Variants in GRM3 observed in about 807,000 individuals in gnomAD.
GRM3 encodes metabotropic glutamate receptor 3.
Under a neutral mutation model 70.5 loss-of-function variants are expected in GRM3, and 26 were observed. The observed-to-expected ratio is 0.37, with a 90% confidence interval of 0.27 to 0.51. GRM3 has a LOEUF of 0.51. Among genes scored for constraint, GRM3 ranks in the 20% least tolerant of loss-of-function variants. The pLI is 0.93. For missense variants in GRM3, 859 were observed against 1,123.8 expected (o/e 0.76, Z 3.37); for synonymous variants, 443 against 434.9 (o/e 1.02, Z -0.23).
chr7:86,778,526 A>G (rs1351623259), intron 2 of GRM3, among the ~76,000 whole-genome samples: 1 of 152,198 alleles, frequency 6.6e-6, no homozygotes, highest in Non-Finnish European at 1.5e-5. Flanking sequence ...GTATATCCTG[A>G]GTAGAAATAG....
At chr7:86,732,440 T>A (rs1262125876) in intron 1 of GRM3, among the ~76,000 whole-genome samples, 5 of 152,080 alleles carry the variant, frequency 3.3e-5, no homozygotes, top group African/African-American at 1.2e-4. Context: ...TTGTTAGTGT[T>A]CAAATAGTAT....
At chr7:86,777,546 C>T (rs1019316587) in intron 2 of GRM3, among the ~76,000 whole-genome samples, 7 of 152,126 alleles carry the variant, frequency 4.6e-5, no homozygotes, top group Admixed American at 6.5e-5. Flanking sequence ...TATTATACTG[C>T]GTACACTGGT....
intron 5 of GRM3, among the ~76,000 whole-genome samples, chr7:86,857,332 C>T (rs1364013684): frequency 6.6e-6 from 1 of 151,814 alleles, no homozygotes; most frequent in Non-Finnish European, 1.5e-5. Context: ...GAATAAGAGG[C>T]GAGGAGAACA....
chr7:86,819,626 G>A (rs2116680453), intron 3 of GRM3, among the ~76,000 whole-genome samples: 1 of 152,204 alleles, frequency 6.6e-6, no homozygotes, highest in East Asian at 1.9e-4. Context: ...GCTATGATCA[G>A]CAACCAAAGA....
chr7:86,765,994 A>C (rs1055089241), intron 2 of GRM3, among the ~76,000 whole-genome samples: 2 of 152,146 alleles, frequency 1.3e-5, no homozygotes, highest in African/African-American at 4.8e-5. Flanking sequence ...CATCTAGCCC[A>C]GGAATGTTCT....
intron 1 of GRM3, among the ~76,000 whole-genome samples, chr7:86,670,586 C>G (rs933206468): frequency 6.6e-6 from 1 of 152,184 alleles, no homozygotes; most frequent in Non-Finnish European, 1.5e-5. Flanking sequence ...TATTCACCAT[C>G]TTGCTTTAGA....
intron 1 of GRM3, among the ~76,000 whole-genome samples, chr7:86,764,042 C>G (rs1391576273): frequency 6.6e-6 from 1 of 152,002 alleles, no homozygotes; most frequent in Non-Finnish European, 1.5e-5. Flanking sequence ...GGAGAAGACT[C>G]TAGGGTGCAG....
At chr7:86,780,603 C>T (rs548378681) in intron 2 of GRM3, among the ~76,000 whole-genome samples, 3 of 152,282 alleles carry the variant, frequency 2.0e-5, no homozygotes, top group Non-Finnish European at 2.9e-5. Context: ...TACTTGCATG[C>T]CGCCTCTCAG....
chr7:86,760,400 CT>C (rs1447421454), intron 1 of GRM3, among the ~76,000 whole-genome samples: 1 of 152,156 alleles, frequency 6.6e-6, no homozygotes, highest in East Asian at 1.9e-4. Context: ...GCTACACATG[CT>C]TGTTTACAGT....
chr7:86,671,396 T>C (rs935273791), intron 1 of GRM3, among the ~76,000 whole-genome samples: 4 of 152,228 alleles, frequency 2.6e-5, no homozygotes, highest in Admixed American at 6.5e-5. Flanking sequence ...TCATTCTTTA[T>C]GTCCTGAAGT....
chr7:86,728,802 AC>A (rs1795652523), intron 1 of GRM3, among the ~76,000 whole-genome samples: 2 of 152,220 alleles, frequency 1.3e-5, no homozygotes, highest in Non-Finnish European at 2.9e-5. Flanking sequence ...TGGTAAAGTA[AC>A]TGCAATGAAG....
intron 3 of GRM3, among the ~76,000 whole-genome samples, chr7:86,831,548 T>C (rs1798352176): frequency 6.6e-6 from 1 of 152,188 alleles, no homozygotes; most frequent in Middle Eastern, 3.4e-3. Flanking sequence ...GTCCCCTGAA[T>C]TGCGGGTAGG....
At chr7:86,782,171 G>T (rs1277046427) in intron 2 of GRM3, among the ~76,000 whole-genome samples, 2 of 151,726 alleles carry the variant, frequency 1.3e-5, no homozygotes, top group Non-Finnish European at 2.9e-5. Context: ...TCCAGAATTT[G>T]TCCTTCCTCC....
At chr7:86,792,130 A>G (rs940235381) in intron 3 of GRM3, among the ~76,000 whole-genome samples, 2 of 152,208 alleles carry the variant, frequency 1.3e-5, no homozygotes, top group Non-Finnish European at 2.9e-5. Flanking sequence ...TATCACTGTG[A>G]TTGTGTTCAC....
At chr7:86,851,708 A>G (rs1011588605) in intron 5 of GRM3, among the ~76,000 whole-genome samples, 1 of 152,124 alleles carries the variant, frequency 6.6e-6, no homozygotes, top group South Asian at 2.1e-4. Context: ...CTGAGAGCAC[A>G]TGTTCATGGA....
intron 1 of GRM3, 119 bp downstream of exon 1, chr7:86,644,991 C>T (rs931379510): frequency 5.4e-5 from 23 of 423,794 alleles, no homozygotes; most frequent in Non-Finnish European, 9.9e-5. Context: ...GGACCAGTCC[C>T]TACAGTCCTG....
chr7:86,714,739 C>T (rs1298273229), intron 1 of GRM3, among the ~76,000 whole-genome samples: 1 of 151,922 alleles, frequency 6.6e-6, no homozygotes, highest in East Asian at 1.9e-4. Flanking sequence ...TAAGCATGGA[C>T]ATTATATATA....
intron 3 of GRM3, among the ~76,000 whole-genome samples, chr7:86,800,800 C>T (rs1372532320): frequency 6.6e-6 from 1 of 152,164 alleles, no homozygotes; most frequent in Non-Finnish European, 1.5e-5. Flanking sequence ...GAAGCCAGCA[C>T]ATCCTGATAC....
At chr7:86,691,587 C>T (rs995114091) in intron 1 of GRM3, among the ~76,000 whole-genome samples, 1 of 152,110 alleles carries the variant, frequency 6.6e-6, no homozygotes, top group Non-Finnish European at 1.5e-5. Context: ...AAACTTAACC[C>T]CCAAAGCAAC....
Sources: allele counts gnomAD v4.1 joint callset (sites outside exome capture counted in the v4.1 genomes callset), GRCh38; gene constraint gnomAD v4.1.1; transcripts MANE v1.5; gene names NCBI Gene and HGNC (gene_info 2026-07-23, HGNC 2026-07-21).